Variants in LIMCH1 observed in about 807,000 individuals in gnomAD.
The protein encoded by LIMCH1 is LIM and calponin homology domains 1.
LIMCH1 carries 113 observed loss-of-function variants against 176.5 expected under a neutral mutation model. That is an observed-to-expected ratio of 0.64 (90% CI 0.55 to 0.75). The LOEUF is 0.75. LIMCH1 is among the 30% of genes least tolerant of loss of function. The pLI, the probability that LIMCH1 is intolerant of heterozygous loss-of-function variation, is 0.00. For missense variants in LIMCH1, 1,674 were observed against 1,814.9 expected (o/e 0.92, Z 1.41); for synonymous variants, 619 against 645.9 (o/e 0.96, Z 0.63).
chr4:41,491,517 G>T (rs950016972), intron 1 of LIMCH1, among the ~76,000 whole-genome samples: 1 of 150,322 alleles, frequency 6.7e-6, no homozygotes, highest in Non-Finnish European at 1.5e-5. Context: ...AGGCAGAGGG[G>T]CTCCTCACAT....
In LIMCH1 at chr4:41,605,880, G is replaced by A. The variant is rs185403357; in HGVS notation, c.-102-14G>A. Reference sequence around the variant, plus strand: ...TTGAGGGAAAAATCTGCTCTTGTGCGTTTTGTTCCACAGGTATTAGTTACC... The same window carrying A: ...TTGAGGGAAAAATCTGCTCTTGTGCATTTTGTTCCACAGGTATTAGTTACC... On this transcript the variant is annotated splice_polypyrimidine_tract_variant and intron_variant, in intron 3 of 31. Coordinates refer to ENST00000503057, the MANE Select transcript of LIMCH1 (RefSeq NM_001330672.2). 476 of 1,563,938 alleles carry A rather than the reference G, an allele frequency of 3.0e-4. 2 individuals carry two copies. In the African/African-American group the frequency reaches 5.2e-3, roughly 17 times the overall value.
At chr4:41,655,091 C>T (rs1208313238) in intron 18 of LIMCH1, among the ~76,000 whole-genome samples, 1 of 152,002 alleles carries the variant, frequency 6.6e-6, no homozygotes, top group East Asian at 1.9e-4. Flanking sequence ...TGTATGTCTC[C>T]CCCAAAGCTA....
chr4:41,674,572 T>A (rs1389177258), intron 22 of LIMCH1, among the ~76,000 whole-genome samples: 1 of 152,220 alleles, frequency 6.6e-6, no homozygotes, highest in Non-Finnish European at 1.5e-5. Context: ...AACTTAAGAA[T>A]GGGGTCACAG....
At chr4:41,428,545 G>C (rs1341198314) in intron 1 of LIMCH1, among the ~76,000 whole-genome samples, 1 of 152,114 alleles carries the variant, frequency 6.6e-6, no homozygotes, top group Non-Finnish European at 1.5e-5. Flanking sequence ...GATAGACTAT[G>C]CATTTGGCCA....
chr4:41,473,519 T>C (rs2067289575), intron 1 of LIMCH1, among the ~76,000 whole-genome samples: 1 of 152,216 alleles, frequency 6.6e-6, no homozygotes, highest in South Asian at 2.1e-4. Context: ...AAGAGTCTAG[T>C]TCAGGGCCTT....
At chr4:41,648,658 G>GATGTGT (rs2094159093) in intron 17 of LIMCH1, among the ~76,000 whole-genome samples, 1 of 135,334 alleles carries the variant, frequency 7.4e-6, no homozygotes, top group African/African-American at 2.8e-5. Flanking sequence ...AAGGGGTAGG[G>GATGTGT]GTGTGTGTGT....
chr4:41,666,237 A>T (rs949923240), intron 20 of LIMCH1, among the ~76,000 whole-genome samples: 1 of 152,222 alleles, frequency 6.6e-6, no homozygotes, highest in Admixed American at 6.5e-5. Flanking sequence ...TGGTACCATG[A>T]AGAGAATTTG....
At chr4:41,575,399 A>T (rs4508928) in intron 1 of LIMCH1, among the ~76,000 whole-genome samples, 38,256 of 152,106 alleles carry the variant, frequency 0.25, 6,039 homozygotes, top group African/African-American at 0.44. Context: ...ACAAGTTTGA[A>T]TTTTTTTAAA....
chr4:41,361,905 G>C (rs2052142495), intron 1 of LIMCH1, among the ~76,000 whole-genome samples: 1 of 152,124 alleles, frequency 6.6e-6, no homozygotes, highest in Admixed American at 6.5e-5. Flanking sequence ...TATGAATTTG[G>C]CCTTGTTTCC....
intron 1 of LIMCH1, among the ~76,000 whole-genome samples, chr4:41,427,516 C>CTTGG (rs2061226076): frequency 6.6e-6 from 1 of 152,188 alleles, no homozygotes; most frequent in South Asian, 2.1e-4. Flanking sequence ...CGAGCAGTGA[C>CTTGG]CTCCGCTGGG....
chr4:41,485,749 G>A (rs150200248), intron 1 of LIMCH1, among the ~76,000 whole-genome samples: 9 of 152,118 alleles, frequency 5.9e-5, no homozygotes, highest in African/African-American at 1.2e-4. Context: ...GAGTGGGAGC[G>A]AGGGTCTGAG....
intron 1 of LIMCH1, among the ~76,000 whole-genome samples, chr4:41,406,279 GAA>G (rs986412474): frequency 2.0e-5 from 3 of 152,170 alleles, no homozygotes; most frequent in Non-Finnish European, 4.4e-5. Flanking sequence ...TATAGTTTAT[GAA>G]AAGTCTACTT....
chr4:41,390,187 C>G (rs200205140), intron 1 of LIMCH1, among the ~76,000 whole-genome samples: 3 of 151,514 alleles, frequency 2.0e-5, no homozygotes, highest in African/African-American at 7.3e-5. Flanking sequence ...CTTTCTGAAG[C>G]TTGGGTGACC....
At chr4:41,555,260 A>G (rs757632714) in intron 1 of LIMCH1, among the ~76,000 whole-genome samples, 1 of 152,234 alleles carries the variant, frequency 6.6e-6, no homozygotes, top group African/African-American at 2.4e-5. Flanking sequence ...AAGTTCAAAC[A>G]TCTTTCCCCT....
chr4:41,422,375 A>G (rs1241889553), intron 1 of LIMCH1, among the ~76,000 whole-genome samples: 1 of 152,064 alleles, frequency 6.6e-6, no homozygotes, highest in Non-Finnish European at 1.5e-5. Context: ...TTTAGTAGTG[A>G]CGAGGTTTCA....
At chr4:41,565,527 AT>A (rs2082652446) in intron 1 of LIMCH1, among the ~76,000 whole-genome samples, 4 of 151,954 alleles carry the variant, frequency 2.6e-5, no homozygotes, top group African/African-American at 4.8e-5. Context: ...ATAGAGTCTT[AT>A]GATTTTTTAG....
At position 41,677,333 on chromosome 4, in the gene LIMCH1, G is replaced by A. The variant is rs542179472; in HGVS notation, c.3519+871G>A. On this transcript the variant is annotated intron_variant, in intron 23 of 31. Transcript: ENST00000503057. ...TGAGACAGGAGAATTGTTTGAACCC[G>A]TGAGGCGGAGGTTGCAGTGAGCCGA... 4.0e-5 allele frequency among the ~76,000 whole-genome samples: 6 copies of A among 151,622 alleles called. No homozygotes were observed. The East Asian group carries it at 5.8e-4, about 15-fold the overall frequency.
At chr4:41,612,627 T>G in intron 4 of LIMCH1, 1 of 702,556 alleles carries the variant, frequency 1.4e-6, no homozygotes, top group Non-Finnish European at 2.6e-6. Flanking sequence ...TGACTGACCT[T>G]TCTTCTGCTG....
Position 41,571,955 on chromosome 4 carries a change from A to G in LIMCH1, c.-240-26965A>G, listed in dbSNP as rs1267337306. Among the ~76,000 whole-genome samples, 4 of 152,098 alleles carry G rather than the reference A, an allele frequency of 2.6e-5. No individual in the cohort carries two copies. In the East Asian group the frequency reaches 7.7e-4, roughly 29 times the overall value. ...GCAAGCAGCCTTTCATTTATAGTAA[A>G]CTGGAAATATATTTGAGACTGGGGA... is the stretch of plus-strand genomic sequence containing the variant. On this transcript the variant is annotated intron_variant, in intron 1 of 31. Transcript: ENST00000503057.
Sources: gnomAD v4.1 joint callset for allele counts (sites outside exome capture counted in the v4.1 genomes callset) on GRCh38, gnomAD v4.1.1 for gene constraint, MANE v1.5 for transcripts, NCBI Gene and HGNC (gene_info 2026-07-23, HGNC 2026-07-21) for gene names.